Variants in PLXDC2 observed in about 807,000 individuals in gnomAD.
The protein encoded by PLXDC2 is plexin domain-containing protein 2.
PLXDC2 carries 40 observed loss-of-function variants against 68.9 expected under a neutral mutation model. The observed-to-expected ratio is 0.58, with a 90% CI of 0.45 to 0.76. PLXDC2 has a LOEUF of 0.76. PLXDC2 is among the 30% of genes least tolerant of loss of function. The pLI, the probability that PLXDC2 is intolerant of heterozygous loss-of-function variation, is 0.00. For synonymous variants in PLXDC2, 243 were observed against 234.2 expected (o/e 1.04, Z -0.34); for missense variants, 644 against 661.9 (o/e 0.97, Z 0.30).
At chr10:19,879,704 A>G (rs1263540220) in intron 1 of PLXDC2, among the ~76,000 whole-genome samples, 3 of 152,198 alleles carry the variant, frequency 2.0e-5, no homozygotes, top group African/African-American at 2.4e-5. Flanking sequence ...GGTGTGTCCT[A>G]TAGGACAAAT....
chr10:19,949,269 A>C (rs1021624413), intron 1 of PLXDC2, among the ~76,000 whole-genome samples: 1 of 152,156 alleles, frequency 6.6e-6, no homozygotes, highest in African/African-American at 2.4e-5. Flanking sequence ...TACACATCAA[A>C]ATACTCATTC....
chr10:20,031,578 A>G (rs1420220042), intron 2 of PLXDC2, among the ~76,000 whole-genome samples: 5 of 152,124 alleles, frequency 3.3e-5, no homozygotes, highest in African/African-American at 1.2e-4. Flanking sequence ...ATGGCTTAAA[A>G]CAACTATCTC....
chr10:20,062,610 T>C (rs1012012000), intron 3 of PLXDC2, among the ~76,000 whole-genome samples: 4 of 152,130 alleles, frequency 2.6e-5, no homozygotes, highest in African/African-American at 9.7e-5. Flanking sequence ...TTCCATATAC[T>C]TCCATTAAAA....
At chr10:20,072,362 C>T (rs1471255278) in intron 4 of PLXDC2, among the ~76,000 whole-genome samples, 1 of 126,682 alleles carries the variant, frequency 7.9e-6, no homozygotes, top group Non-Finnish European at 1.7e-5. Context: ...AAGAGCAAAA[C>T]TCTATCAAAA....
At chr10:20,182,679 C>T (rs957098883) in intron 9 of PLXDC2, among the ~76,000 whole-genome samples, 7 of 145,440 alleles carry the variant, frequency 4.8e-5, no homozygotes, top group African/African-American at 1.8e-4. Context: ...TTTTACATTT[C>T]TTTTTTTTTT....
chr10:20,141,135 T>A (rs1416400321), intron 4 of PLXDC2, among the ~76,000 whole-genome samples: 2 of 152,180 alleles, frequency 1.3e-5, no homozygotes, highest in African/African-American at 4.8e-5. Flanking sequence ...ACCTTTGACA[T>A]TTGATAAATT....
chr10:19,883,982 C>T (rs1425446519), intron 1 of PLXDC2, among the ~76,000 whole-genome samples: 1 of 143,058 alleles, frequency 7.0e-6, no homozygotes, highest in African/African-American at 2.6e-5. Flanking sequence ...ACTGCAGCCT[C>T]AACTTCCTGG....
intron 2 of PLXDC2, among the ~76,000 whole-genome samples, chr10:20,023,752 A>G (rs564206267): frequency 3.0e-5 from 4 of 131,610 alleles, no homozygotes; most frequent in Non-Finnish European, 6.3e-5. Flanking sequence ...ATTTATAGGC[A>G]GCCACTTTCA....
At chr10:20,193,869 G>A (rs968307210) in intron 9 of PLXDC2, among the ~76,000 whole-genome samples, 26 of 152,004 alleles carry the variant, frequency 1.7e-4, no homozygotes, top group African/African-American at 6.3e-4. Flanking sequence ...TTAGCATTTA[G>A]TAATTTGATA....
At chr10:20,054,170 T>C (rs541314309) in intron 3 of PLXDC2, among the ~76,000 whole-genome samples, 1 of 151,936 alleles carries the variant, frequency 6.6e-6, no homozygotes, top group African/African-American at 2.4e-5. Context: ...GAGAAGTTAG[T>C]GGTGATTGTG....
chr10:20,247,711 C>T (rs1835619365), intron 13 of PLXDC2, among the ~76,000 whole-genome samples: 1 of 152,180 alleles, frequency 6.6e-6, no homozygotes, highest in South Asian at 2.1e-4. Flanking sequence ...TTCTGCCCTG[C>T]AAGACTTGTA....
chr10:19,846,628 A>G (rs1837014574), intron 1 of PLXDC2, among the ~76,000 whole-genome samples: 1 of 152,150 alleles, frequency 6.6e-6, no homozygotes, highest in African/African-American at 2.4e-5. Flanking sequence ...TACCTCACCA[A>G]ACTTTTTTGG....
chr10:20,157,120 T>C (rs1486352008), intron 6 of PLXDC2, among the ~76,000 whole-genome samples: 3 of 152,178 alleles, frequency 2.0e-5, no homozygotes, highest in Non-Finnish European at 4.4e-5. Flanking sequence ...GATTCACTGC[T>C]GATAACACTG....
rs149961770 is a variant in PLXDC2, at chr10:19,846,928, G to A, written c.112+29737G>A. Among the ~76,000 whole-genome samples, 190 of 152,240 alleles carry A rather than the reference G, an allele frequency of 1.2e-3. 1 individual carries two copies. The highest frequency in any genetic ancestry group is 0.012 in the East Asian group (64 of 5,174). ...AATCATGGCAGAAGGGAAAAGGCAC[G>A]TCTTACACGGCAGCGGGCAAGAGAG... is the stretch of plus-strand genomic sequence containing the variant. On this transcript the variant is annotated intron_variant, in intron 1 of 13. Transcript: ENST00000377252.
chr10:19,926,861 A>G (rs1833544923), intron 1 of PLXDC2, among the ~76,000 whole-genome samples: 1 of 152,158 alleles, frequency 6.6e-6, no homozygotes, highest in Non-Finnish European at 1.5e-5. Context: ...CATTTTGATC[A>G]TTGCATCTTT....
At position 19,868,219 on chromosome 10, in the gene PLXDC2, G is replaced by A. The variant is rs73601622; in HGVS notation, c.112+51028G>A. Among the ~76,000 whole-genome samples the A allele has an allele frequency of 5.2e-3, 787 of 152,218 alleles. 3 individuals carry two copies. Among genetic ancestry groups the A allele is most frequent in the African/African-American group, 0.018 (734 of 41,514 alleles). On this transcript the variant is annotated intron_variant, in intron 1 of 13. Coordinates refer to ENST00000377252, the MANE Select transcript of PLXDC2 (RefSeq NM_032812.9). ...TGTGTAGAGATTATTTTGTCACCGA[G>A]GTAATAGGCATAATACCCGATAGGT...
chr10:19,937,322 A>G (rs1312984950), intron 1 of PLXDC2, among the ~76,000 whole-genome samples: 2 of 151,700 alleles, frequency 1.3e-5, no homozygotes, highest in Non-Finnish European at 1.5e-5. Flanking sequence ...TCTGCCCTCA[A>G]TCGGAATATG....
At chr10:20,215,764 G>A (rs1022027485) in intron 10 of PLXDC2, among the ~76,000 whole-genome samples, 6 of 152,146 alleles carry the variant, frequency 3.9e-5, no homozygotes, top group African/African-American at 1.2e-4. Context: ...AGTCAAGTAA[G>A]TATGCTGATT....
intron 5 of PLXDC2, 77 bp from the exon 6 acceptor site, chr10:20,147,706 AT>A: frequency 1.1e-6 from 1 of 883,918 alleles, no homozygotes; most frequent in Non-Finnish European, 1.8e-6. Context: ...ATGCAAAAAC[AT>A]TTTTGTGAAA....
Sources: gnomAD v4.1 joint callset for allele counts (sites outside exome capture counted in the v4.1 genomes callset) on GRCh38, gnomAD v4.1.1 for gene constraint, MANE v1.5 for transcripts, NCBI Gene and HGNC (gene_info 2026-07-23, HGNC 2026-07-21) for gene names.